The following NEBL variants were observed in gnomAD, a reference collection of about 807,000 sequenced individuals.
NEBL encodes nebulette.
NEBL carries 122 observed loss-of-function variants against 140.2 expected under a neutral mutation model. That is an observed-to-expected ratio of 0.87 (90% CI 0.75 to 1.01). NEBL has a LOEUF of 1.01. Ranked by LOEUF, NEBL falls within the 50% of genes least tolerant of loss-of-function variation. The pLI is 0.00. For missense variants in NEBL, 1,365 were observed against 1,231.3 expected, an observed-to-expected ratio of 1.11 and a Z score of -1.62; for synonymous variants, 436 against 398.9, an observed-to-expected ratio of 1.09 and a Z score of -1.11.
chr10:20,959,233 C>T (rs1835941639), intron 4 of NEBL, among the ~76,000 whole-genome samples: 1 of 152,174 alleles, frequency 6.6e-6, no homozygotes, highest in African/African-American at 2.4e-5. Context: ...CTATATTAAA[C>T]TTGGCACTCA....
chr10:21,156,595 C>T (rs539118771), intron 2 of NEBL, among the ~76,000 whole-genome samples: 5 of 151,118 alleles, frequency 3.3e-5, no homozygotes, highest in Admixed American at 6.6e-5. Flanking sequence ...ATGCTGCCTT[C>T]GTGCTTTTTT....
chr10:20,853,915 A>G (rs939350704), intron 9 of NEBL, among the ~76,000 whole-genome samples: 2 of 152,226 alleles, frequency 1.3e-5, no homozygotes, highest in African/African-American at 4.8e-5. Context: ...GAAAGAAACG[A>G]CAAATGCTTG....
chr10:21,163,138 G>C (rs1195440702), intron 2 of NEBL, among the ~76,000 whole-genome samples: 1 of 152,216 alleles, frequency 6.6e-6, no homozygotes, highest in Non-Finnish European at 1.5e-5. Flanking sequence ...TGGAGAGAAG[G>C]AGGTTAAATG....
intron 3 of NEBL, among the ~76,000 whole-genome samples, chr10:20,996,470 A>C (rs922792973): frequency 1.4e-4 from 21 of 152,196 alleles, no homozygotes; most frequent in South Asian, 2.1e-4. Flanking sequence ...TCCTAGGTCT[A>C]CTGGATCGAT....
intron 4 of NEBL, among the ~76,000 whole-genome samples, chr10:20,881,463 T>C (rs1846010350): frequency 6.6e-6 from 1 of 152,134 alleles, no homozygotes; most frequent in African/African-American, 2.4e-5. Context: ...CCATGTTGAA[T>C]TTCCTCCATA....
At chr10:20,894,319 G>A (rs938905191) in intron 2 of NEBL, among the ~76,000 whole-genome samples, 1 of 151,492 alleles carries the variant, frequency 6.6e-6, no homozygotes. Context: ...AAAAGAAAAT[G>A]AAAATTAGCC....
chr10:21,230,019 C>G (rs1260779540), intron 3 of NEBL, among the ~76,000 whole-genome samples: 3 of 152,242 alleles, frequency 2.0e-5, no homozygotes, highest in Non-Finnish European at 2.9e-5. Flanking sequence ...TCTTCTTTCT[C>G]CAGTTCATGG....
chr10:21,052,035 TTC>T (rs1371986199), intron 2 of NEBL, among the ~76,000 whole-genome samples: 3 of 152,040 alleles, frequency 2.0e-5, no homozygotes, highest in Non-Finnish European at 2.9e-5. Context: ...AGAGGAGATA[TTC>T]ACATGGTTCA....
At chr10:21,268,627 A>G (rs767535851) in intron 1 of NEBL, among the ~76,000 whole-genome samples, 22 of 150,996 alleles carry the variant, frequency 1.5e-4, no homozygotes, top group Admixed American at 6.6e-4. Flanking sequence ...AGGTTCATGC[A>G]ATTCTCCTGC....
chr10:20,867,922 A>T (rs1844470652), intron 7 of NEBL: 1 of 151,954 alleles, frequency 6.6e-6, no homozygotes, highest in East Asian at 1.9e-4. Flanking sequence ...ATTTAATTTC[A>T]GTGGTTTTCT....
chr10:20,980,523 A>C (rs552105609), intron 3 of NEBL, among the ~76,000 whole-genome samples: 1 of 152,208 alleles, frequency 6.6e-6, no homozygotes, highest in African/African-American at 2.4e-5. Flanking sequence ...GGTCATGTAC[A>C]TATATAGCGT....
chr10:21,061,630 A>T (rs1835312150), intron 2 of NEBL, among the ~76,000 whole-genome samples: 1 of 151,704 alleles, frequency 6.6e-6, no homozygotes. Flanking sequence ...GCACAACTGT[A>T]TCTCAGCACT....
intron 3 of NEBL, among the ~76,000 whole-genome samples, chr10:21,183,254 G>C (rs190823163): frequency 6.6e-6 from 1 of 152,314 alleles, no homozygotes; most frequent in East Asian, 1.9e-4. Context: ...ATGAGAGAGA[G>C]ACAAGAAGAG....
intron 2 of NEBL, among the ~76,000 whole-genome samples, chr10:21,020,542 T>A (rs1010442855): frequency 1.3e-5 from 2 of 151,990 alleles, no homozygotes; most frequent in African/African-American, 4.8e-5. Context: ...CAACCAAACT[T>A]CCTGACAAAG....
At position 20,819,431 on chromosome 10, in the gene NEBL, A is replaced by G; in HGVS notation, c.2048T>C (p.Leu683Pro). Residue 683 changes from leucine (L) to proline (P), a missense_variant, in exon 20 of 28, where the codon CTG (leucine) becomes CCG (proline). This residue lies in a region of NEBL where 1,323 missense variants were observed against 1,154.8 expected (regional missense o/e 1.15). Coordinates refer to ENST00000377122, the MANE Select transcript of NEBL (RefSeq NM_006393.3). The stretch of plus-strand genomic sequence containing the variant: ...GAAACAGAAACGACTTGCCGCACTC[A>G]GCTGCTCCTGGTTTCGCCTCACTCT... ...IERVRRNQEQ[L>P]SAVKYKGELQ... The G allele has an allele frequency of 1.2e-6, 2 of 1,614,112 alleles. No homozygotes were observed.
chr10:21,252,832 G>A (rs564604134), intron 1 of NEBL, among the ~76,000 whole-genome samples: 5 of 152,282 alleles, frequency 3.3e-5, no homozygotes, highest in African/African-American at 1.2e-4. Context: ...GCGCATGCCT[G>A]TAATCCCAGC....
rs534621300 is a variant in NEBL, at chr10:20,785,807, T to G, written c.2985A>C (p.Thr995=). ...TTCCTGTTCTCCCTGTTCTCTGCAC[T>G]GTGCCGTACATCCAGCCATCGTCAA... The part of the protein sequence containing the change: ...QPIDDGWMYG[T]VQRTGRTGML... Residue 995 remains threonine, a synonymous_variant, in exon 28 of 28, where the codon ACA becomes ACC. Transcript: ENST00000377122. The G allele has an allele frequency of 1.9e-6, 3 of 1,614,102 alleles. No homozygotes were observed. The highest frequency in any genetic ancestry group is 3.3e-5 in the Admixed American group (2 of 60,010).
At chr10:20,942,800 A>G (rs1834949010) in intron 4 of NEBL, among the ~76,000 whole-genome samples, 1 of 152,252 alleles carries the variant, frequency 6.6e-6, no homozygotes, top group African/African-American at 2.4e-5. Flanking sequence ...ACACTTCTCA[A>G]AAGAAGACAT....
At chr10:21,262,040 C>A (rs948272327) in intron 1 of NEBL, among the ~76,000 whole-genome samples, 1 of 152,106 alleles carries the variant, frequency 6.6e-6, no homozygotes, top group Non-Finnish European at 1.5e-5. Flanking sequence ...TGTAAGGCTG[C>A]CCCCAACCGA....
Sources: allele counts gnomAD v4.1 joint callset (sites outside exome capture counted in the v4.1 genomes callset), GRCh38; gene constraint gnomAD v4.1.1; regional missense constraint gnomAD v4.1.1; transcripts MANE v1.5; gene names NCBI Gene and HGNC (gene_info 2026-07-23, HGNC 2026-07-21).